The following CAP2 variants were observed in gnomAD, a reference collection of about 807,000 sequenced individuals.
CAP2 encodes the protein cyclase associated actin cytoskeleton regulatory protein 2.
A neutral mutation model predicts 57.7 loss-of-function variants in CAP2; 24 were observed. The observed-to-expected ratio is 0.42, with a 90% CI of 0.30 to 0.58. CAP2 has a LOEUF of 0.58. Among genes scored for constraint, CAP2 ranks in the 20% least tolerant of loss-of-function variants. The pLI is 0.22. For synonymous variants in CAP2, 194 were observed against 207.2 expected, an observed-to-expected ratio of 0.94 and a Z score of 0.55; for missense variants, 501 against 590.3, an observed-to-expected ratio of 0.85 and a Z score of 1.57.
intron 1 of CAP2, among the ~76,000 whole-genome samples, chr6:17,412,747 A>T (rs1417209581): frequency 6.6e-6 from 1 of 151,756 alleles, no homozygotes; most frequent in Non-Finnish European, 1.5e-5. Flanking sequence ...TAGAGGAGGA[A>T]TATTTATATA....
At chr6:17,436,082 TTTCTTTCC>T (rs1209819303) in intron 3 of CAP2, among the ~76,000 whole-genome samples, 25 of 77,528 alleles carry the variant, frequency 3.2e-4, no homozygotes, top group African/African-American at 1.2e-3. Context: ...TCTTTCTTTC[TTTCTTTCC>T]TTCCTTCCTT....
rs188706495 is a variant in CAP2, at chr6:17,556,257, A to G, written c.1351-102A>G. 115 of 798,078 alleles carry G rather than the reference A, an allele frequency of 1.4e-4. No homozygotes were observed. In the African/African-American group the frequency reaches 1.6e-3, roughly 11 times the overall value. The allele number at this position is 798,078 out of a possible 1,614,324, so 49.4% of individuals were successfully genotyped here. A position where few individuals can be genotyped will look rare whatever the true frequency, so the allele number is the denominator to read the frequency against. ...ATTCGATCGAATTTCTTTGCCTATC[A>G]TGTGGCACAAATCAGCCTCACCATC... On this transcript the variant is annotated intron_variant, in intron 12 of 12. Transcript: ENST00000229922.
At chr6:17,490,642 AGT>A (rs1761522003) in intron 4 of CAP2, among the ~76,000 whole-genome samples, 1 of 152,156 alleles carries the variant, frequency 6.6e-6, no homozygotes, top group Non-Finnish European at 1.5e-5. Flanking sequence ...CCTGCCCATG[AGT>A]TTTCGGTTGT....
chr6:17,400,197 G>T lies in CAP2; in HGVS notation c.-2+6451G>T, dbSNP rs147908559. On this transcript the variant is annotated intron_variant, in intron 1 of 12. Transcript: ENST00000229922. The stretch of plus-strand genomic sequence containing the variant: ...GCCAAGATCATGCCACTGCATTCCA[G>T]TGTGGGCAACAGAATGAGACTCCAT... Among the ~76,000 whole-genome samples the T allele has an allele frequency of 3.3e-4, 51 of 152,298 alleles. 1 individual carries two copies. The highest frequency in any genetic ancestry group is 1.2e-3 in the African/African-American group (50 of 41,560).
intron 6 of CAP2, among the ~76,000 whole-genome samples, chr6:17,509,997 G>A (rs1430891550): frequency 6.6e-6 from 1 of 152,080 alleles, no homozygotes; most frequent in African/African-American, 2.4e-5. Flanking sequence ...ACTACATATT[G>A]TATGATTACA....
chr6:17,538,448 C>A (rs190030903), intron 7 of CAP2, among the ~76,000 whole-genome samples: 1 of 152,104 alleles, frequency 6.6e-6, no homozygotes, highest in Non-Finnish European at 1.5e-5. Flanking sequence ...GAGTGAGACC[C>A]TGTCTCCTTA....
At chr6:17,455,676 C>T (rs1462983233) in intron 3 of CAP2, among the ~76,000 whole-genome samples, 2 of 152,028 alleles carry the variant, frequency 1.3e-5, no homozygotes, top group African/African-American at 4.8e-5. Context: ...GCTGGGACTA[C>T]AGGCGCCCAC....
Position 17,399,655 on chromosome 6 carries a change from A to G in CAP2, c.-2+5909A>G, listed in dbSNP as rs139647373. Among the ~76,000 whole-genome samples the G allele has an allele frequency of 9.2e-5, 14 of 152,326 alleles. No individual in the cohort carries two copies. In the East Asian group the frequency reaches 2.5e-3, roughly 27 times the overall value. On this transcript the variant is annotated intron_variant, in intron 1 of 12. Transcript: ENST00000229922. ...CTTAGCCACCTGCAGAAGGTGCACTAGCCCCTAATTCTTAAAATTTCACAT... is the reference window on the plus strand; with the variant it reads ...CTTAGCCACCTGCAGAAGGTGCACTGGCCCCTAATTCTTAAAATTTCACAT...
intron 3 of CAP2, among the ~76,000 whole-genome samples, chr6:17,443,750 A>G (rs1760161806): frequency 6.6e-6 from 1 of 152,180 alleles, no homozygotes; most frequent in African/African-American, 2.4e-5. Context: ...TTATATTACT[A>G]TGCATAAAGC....
intron 7 of CAP2, among the ~76,000 whole-genome samples, chr6:17,533,570 T>G (rs1762700354): frequency 1.3e-5 from 2 of 148,156 alleles, no homozygotes; most frequent in Admixed American, 6.7e-5. Context: ...CAGCTTTTCT[T>G]TCTTTTTTTT....
chr6:17,455,295 A>G (rs1760529232), intron 3 of CAP2, among the ~76,000 whole-genome samples: 1 of 146,920 alleles, frequency 6.8e-6, no homozygotes, highest in South Asian at 2.2e-4. Context: ...AAAAAAAAAA[A>G]TGCCTCAAGC....
intron 3 of CAP2, among the ~76,000 whole-genome samples, chr6:17,436,067 A>ATCTTTCTTTCTT (rs1345218299): frequency 3.5e-5 from 5 of 143,954 alleles, no homozygotes; most frequent in African/African-American, 1.3e-4. Flanking sequence ...AAACTAAGGA[A>ATCTTTCTTTCTT]TCTTTCTTTC....
At chr6:17,498,953 T>C (rs972820833) in intron 4 of CAP2, among the ~76,000 whole-genome samples, 19 of 151,846 alleles carry the variant, frequency 1.3e-4, no homozygotes, top group African/African-American at 3.6e-4. Context: ...ATGGTCTCAA[T>C]CTCCTGACCT....
chr6:17,436,090 C>A (rs59927025), intron 3 of CAP2, among the ~76,000 whole-genome samples: 1 of 63,900 alleles, frequency 1.6e-5, no homozygotes, highest in Non-Finnish European at 5.3e-5. Flanking sequence ...TCTTTCTTTC[C>A]TTCCTTCCTT....
intron 3 of CAP2, among the ~76,000 whole-genome samples, chr6:17,431,098 C>T (rs1331310440): frequency 1.3e-5 from 2 of 152,070 alleles, no homozygotes; most frequent in Non-Finnish European, 2.9e-5. Flanking sequence ...GGGAGCTAAA[C>T]ATTGAGAACA....
At chr6:17,444,845 A>ACACACAC (rs1342301285) in intron 3 of CAP2, among the ~76,000 whole-genome samples, 6 of 81,132 alleles carry the variant, frequency 7.4e-5, no homozygotes, top group East Asian at 6.4e-4. Flanking sequence ...CACACACACA[A>ACACACAC]CACGAGTCCT....
chr6:17,467,821 C>T (rs1760908726), intron 4 of CAP2, among the ~76,000 whole-genome samples: 1 of 152,310 alleles, frequency 6.6e-6, no homozygotes, highest in African/African-American at 2.4e-5. Flanking sequence ...CAGCACCCGG[C>T]CTACTCTTCG....
At chr6:17,406,948 G>GA (rs375496804) in intron 1 of CAP2, among the ~76,000 whole-genome samples, 89 of 151,992 alleles carry the variant, frequency 5.9e-4, no homozygotes, top group African/African-American at 1.9e-3. Flanking sequence ...AAAAAAATGA[G>GA]AAAAAAACCA....
chr6:17,465,376 G>C (rs543413787), intron 4 of CAP2, among the ~76,000 whole-genome samples: 2 of 152,226 alleles, frequency 1.3e-5, no homozygotes, highest in Non-Finnish European at 2.9e-5. Flanking sequence ...TTGATAAAGG[G>C]GAGGGAAACT....
Sources: allele counts gnomAD v4.1 joint callset (sites outside exome capture counted in the v4.1 genomes callset), GRCh38; gene constraint gnomAD v4.1.1; transcripts MANE v1.5; gene names NCBI Gene and HGNC (gene_info 2026-07-23, HGNC 2026-07-21).